The following TRHDE variants were observed in gnomAD, a reference collection of about 807,000 sequenced individuals.
TRHDE encodes thyrotropin-releasing hormone-degrading ectoenzyme.
In TRHDE, 72 loss-of-function variants were observed where a neutral mutation model predicts 125.7. The ratio of observed to expected loss-of-function variants is 0.57; its 90% confidence interval spans 0.47 to 0.70. The LOEUF (loss-of-function observed/expected upper bound fraction) is 0.70, where lower values mean the gene tolerates loss of function less well. Among genes scored for constraint, TRHDE ranks in the 30% least tolerant of loss-of-function variants. The probability of loss-of-function intolerance (pLI) is 0.00; values close to 1 mark genes in which losing one functional copy is unlikely to be tolerated. For missense variants in TRHDE, 1,110 were observed against 1,327.1 expected, an observed-to-expected ratio of 0.84 and a Z score of 2.54; for synonymous variants, 509 against 509.1, an observed-to-expected ratio of 1.00 and a Z score of 0.00.
At chr12:72,624,763 T>C (rs1454691124) in intron 15 of TRHDE, among the ~76,000 whole-genome samples, 3 of 151,932 alleles carry the variant, frequency 2.0e-5, no homozygotes, top group Non-Finnish European at 4.4e-5. Flanking sequence ...TGGATTGAGC[T>C]ACATTCAGGT....
At chr12:72,524,441 A>G (rs1868299300) in intron 6 of TRHDE, among the ~76,000 whole-genome samples, 1 of 152,166 alleles carries the variant, frequency 6.6e-6, no homozygotes, top group Non-Finnish European at 1.5e-5. Flanking sequence ...GCTTCTCTAC[A>G]TATATATGAG....
chr12:72,614,672 A>G (rs1872751684), intron 12 of TRHDE, among the ~76,000 whole-genome samples: 2 of 152,080 alleles, frequency 1.3e-5, no homozygotes, highest in African/African-American at 2.4e-5. Flanking sequence ...TGATGCTCCA[A>G]AGAATCTGAG....
chr12:72,143,615 A>G (rs1218337098), intron 2 of TRHDE, among the ~76,000 whole-genome samples: 1 of 152,110 alleles, frequency 6.6e-6, no homozygotes, highest in Non-Finnish European at 1.5e-5. Flanking sequence ...TAAACGGACT[A>G]AGTAGGCCTC....
At chr12:72,269,676 G>T (rs556698706), upstream of TRHDE, among the ~76,000 whole-genome samples, 2 of 152,272 alleles carry the variant, frequency 1.3e-5, no homozygotes, top group African/African-American at 4.8e-5. Context: ...AAGGAATCTG[G>T]CTGTTCACTG....
intron 2 of TRHDE, among the ~76,000 whole-genome samples, chr12:72,139,271 T>G (rs966411835): frequency 6.6e-6 from 1 of 152,234 alleles, no homozygotes; most frequent in Non-Finnish European, 1.5e-5. Context: ...CTGATTTTTT[T>G]TTTTAATGTG....
chr12:72,596,795 C>T lies in TRHDE; in HGVS notation c.2321+21253C>T, dbSNP rs551538918. ...TATTTCAGGATGATTTTCAAAGAGA[C>T]TCAAAATAAAGTGACTGCAACAGAT... On this transcript the variant is annotated intron_variant, in intron 12 of 18. Transcript: ENST00000261180. Among the ~76,000 whole-genome samples the T allele has an allele frequency of 2.0e-5, 3 of 152,106 alleles. No homozygotes were observed. The East Asian group carries it at 5.8e-4, about 29-fold the overall frequency.
At chr12:72,583,340 G>A (rs1210718844) in intron 12 of TRHDE, among the ~76,000 whole-genome samples, 1 of 152,098 alleles carries the variant, frequency 6.6e-6, no homozygotes, top group African/African-American at 2.4e-5. Flanking sequence ...CATGATATGA[G>A]CAGTGTCTCA....
At position 72,665,466 on chromosome 12, in the gene TRHDE, G is replaced by T. The variant is rs547487488; in HGVS notation, c.*2271G>T. On this transcript the variant is annotated 3_prime_UTR_variant, in exon 19 of 19. Transcript: ENST00000261180. The stretch of plus-strand genomic sequence containing the variant: ...TAGTGGTACCAATGGCATTAAGATG[G>T]TGTTTTTGTTCTACATATTTTTCAA... 2 of 152,332 alleles carry T rather than the reference G, an allele frequency of 1.3e-5. No individual in the cohort carries two copies. Among genetic ancestry groups the T allele is most frequent in the South Asian group, 4.2e-4 (2 of 4,814 alleles). The allele number at this position is 152,332 out of a possible 1,614,324, so 9.4% of individuals were successfully genotyped here. A position where few individuals can be genotyped will look rare whatever the true frequency, so the allele number is the denominator to read the frequency against.
chr12:72,099,816 T>C (rs1875025860), intron 1 of TRHDE, among the ~76,000 whole-genome samples: 1 of 152,204 alleles, frequency 6.6e-6, no homozygotes, highest in Non-Finnish European at 1.5e-5. Flanking sequence ...AAAGACTCTT[T>C]ACATTTTCTG....
chr12:72,180,396 T>C (rs888780198), intron 2 of TRHDE, among the ~76,000 whole-genome samples: 2 of 152,148 alleles, frequency 1.3e-5, no homozygotes, highest in African/African-American at 4.8e-5. Flanking sequence ...TTGGTAATAC[T>C]ATGTCCCTAT....
At chr12:72,236,427 C>T (rs1309200933) in intron 2 of TRHDE, among the ~76,000 whole-genome samples, 1 of 149,898 alleles carries the variant, frequency 6.7e-6, no homozygotes, top group Non-Finnish European at 1.5e-5. Context: ...GAAGCATCTA[C>T]ATCATATCTT....
intron 2 of TRHDE, among the ~76,000 whole-genome samples, chr12:72,320,119 A>T (rs1050142291): frequency 2.0e-5 from 3 of 151,966 alleles, no homozygotes; most frequent in Admixed American, 2.0e-4. Context: ...CAATTATTTT[A>T]GTCTTGTAAA....
chr12:72,619,779 G>GT (rs757773014), intron 13 of TRHDE, among the ~76,000 whole-genome samples: 82 of 152,000 alleles, frequency 5.4e-4, no homozygotes, highest in Non-Finnish European at 1.0e-3. Flanking sequence ...TTTAGTTAGC[G>GT]TAAGAGCCTG....
chr12:72,529,425 CT>C lies in TRHDE; in HGVS notation c.1723-12865del, dbSNP rs1032749376. 3.9e-5 allele frequency among the ~76,000 whole-genome samples: 6 copies of C among 152,128 alleles called. No homozygotes were observed. The East Asian group carries it at 5.8e-4, about 15-fold the overall frequency. ...GTCCTCTAATCCCTTTCTTAACCCC[CT>C]GTCCCTCCCTCTATTCCCAGAGGTA... On this transcript the variant is annotated intron_variant, in intron 6 of 18. Coordinates refer to ENST00000261180, the MANE Select transcript of TRHDE (RefSeq NM_013381.3).
At chr12:72,391,994 G>A (rs1872627859) in intron 3 of TRHDE, among the ~76,000 whole-genome samples, 1 of 152,110 alleles carries the variant, frequency 6.6e-6, no homozygotes, top group African/African-American at 2.4e-5. Context: ...GAATCCTAAT[G>A]TGATAGAACT....
rs1028869209 is a variant in TRHDE at position 72,523,920 on chromosome 12, C to G, written c.1723-18371C>G. On this transcript the variant is annotated intron_variant, in intron 6 of 18. Transcript: ENST00000261180. ...CATCTGTGCTTTGCCACTCTGAAAA[C>G]AAAAAGCAGAAGCCGGAAGTGAAAG... is the stretch of plus-strand genomic sequence containing the variant. Among the ~76,000 whole-genome samples the G allele has an allele frequency of 3.3e-5, 5 of 152,230 alleles. No individual in the cohort carries two copies. In the East Asian group the frequency reaches 9.7e-4, roughly 29 times the overall value.
chr12:72,492,836 T>C (rs1479426621), intron 5 of TRHDE, among the ~76,000 whole-genome samples: 2 of 151,936 alleles, frequency 1.3e-5, no homozygotes, highest in African/African-American at 4.8e-5. Flanking sequence ...GTTCTCTTTA[T>C]GGTAGCTCAA....
intron 3 of TRHDE, among the ~76,000 whole-genome samples, chr12:72,438,576 T>A (rs1444494531): frequency 6.6e-6 from 1 of 151,902 alleles, no homozygotes; most frequent in Non-Finnish European, 1.5e-5. Flanking sequence ...TTTTGAGAAA[T>A]GTCTATCATG....
Position 72,112,940 on chromosome 12 carries a change from A to G in TRHDE, n.279+7188A>G, listed in dbSNP as rs574102149. On this transcript the variant is annotated intron_variant and non_coding_transcript_variant, in intron 2 of 4. Coordinates refer to the TRHDE transcript ENST00000548156. ...GGGATCTCACCAAAGGGCAGCCATT[A>G]CACAGGCTAGCCAGTAATGTATGAC... Among the ~76,000 whole-genome samples the G allele has an allele frequency of 7.9e-4, 120 of 152,342 alleles. 5 individuals are homozygous for G. The South Asian group carries it at 0.024, about 30-fold the overall frequency.
Sources: allele counts gnomAD v4.1 joint callset (sites outside exome capture counted in the v4.1 genomes callset), GRCh38; gene constraint gnomAD v4.1.1; transcripts MANE v1.5; gene names NCBI Gene and HGNC (gene_info 2026-07-23, HGNC 2026-07-21).